RIMS4: variants seen among roughly 807,000 people sequenced by gnomAD.
RIMS4 encodes the protein regulating synaptic membrane exocytosis 4, also known as regulating synaptic membrane exocytosis protein 4.
In RIMS4, 9 loss-of-function variants were observed where a neutral mutation model predicts 29.0. That is an observed-to-expected ratio of 0.31 (90% CI 0.19 to 0.54). The LOEUF is 0.54. Among genes scored for constraint, RIMS4 ranks in the 20% least tolerant of loss-of-function variants. The probability of loss-of-function intolerance (pLI) is 0.94; values close to 1 mark genes in which losing one functional copy is unlikely to be tolerated. For missense variants in RIMS4, 193 were observed against 365.7 expected (o/e 0.53, Z 3.85); for synonymous variants, 130 against 152.9 (o/e 0.85, Z 1.10).
rs2066041099 is a variant in RIMS4 at position 44,752,978 on chromosome 20, G to GGTGGAGCCCAGTAGGGCT, written c.*3138_*3155dup. The GGTGGAGCCCAGTAGGGCT allele has an allele frequency of 6.5e-6, 1 of 152,756 alleles. No individual in the cohort carries two copies. The highest frequency in any genetic ancestry group is 1.5e-5 in the Non-Finnish European group (1 of 68,180). The allele number at this position is 152,756 out of a possible 1,614,324, so 9.5% of individuals were successfully genotyped here. On this transcript the variant is annotated 3_prime_UTR_variant, in exon 6 of 6. Coordinates refer to ENST00000372851, the MANE Select transcript of RIMS4 (RefSeq NM_182970.4). The stretch of plus-strand genomic sequence containing the variant: ...CCCAGAGAAGTCACTGGTTTATAGA[G>GGTGGAGCCCAGTAGGGCT]GTGGAGCCCAGTAGGGCTGTGCAGC...
chr20:44,756,066 G>T lies in RIMS4; in HGVS notation c.*68C>A. On this transcript the variant is annotated 3_prime_UTR_variant, in exon 6 of 6. Coordinates refer to ENST00000372851, the MANE Select transcript of RIMS4 (RefSeq NM_182970.4). This position sits in a 1 kb window ranked among gnomAD's most constrained non-coding sequence, Gnocchi z 5.9. ...GTCCTCCTGTTCAATGTGCCCCTGGGCCTGGGGTCCCAGGTCAGGGCTGGG... is the reference window on the plus strand; with the variant it reads ...GTCCTCCTGTTCAATGTGCCCCTGGTCCTGGGGTCCCAGGTCAGGGCTGGG... 1 of 1,258,624 alleles carries T rather than the reference G, an allele frequency of 7.9e-7. No individual in the cohort carries two copies. Among genetic ancestry groups the T allele is most frequent in the South Asian group, 1.4e-5 (1 of 73,088 alleles). 78.0% of individuals were successfully genotyped at this position (1,258,624 alleles called of 1,614,324 possible). A position where few individuals can be genotyped will look rare whatever the true frequency, so the allele number is the denominator to read the frequency against.
intron 1 of RIMS4, among the ~76,000 whole-genome samples, chr20:44,798,374 A>G (rs1476024506): frequency 6.6e-6 from 1 of 152,230 alleles, no homozygotes; most frequent in Non-Finnish European, 1.5e-5. Context: ...TCAGAAGTCC[A>G]TCCAGATGCT....
chr20:44,793,838 G>A (rs1211193704), intron 1 of RIMS4, among the ~76,000 whole-genome samples: 1 of 152,192 alleles, frequency 6.6e-6, no homozygotes, highest in African/African-American at 2.4e-5. Flanking sequence ...GGGAGACCAA[G>A]GTGAGAGGAT....
At chr20:44,764,255 C>CATCCATCCATCCATCCATTTA (rs1325046131) in intron 2 of RIMS4, among the ~76,000 whole-genome samples, 199 of 144,256 alleles carry the variant, frequency 1.4e-3, no homozygotes, top group Non-Finnish European at 1.8e-3. Flanking sequence ...TCCATCCATC[C>CATCCATCCATCCATCCATTTA]TCCCACAAAC....
At chr20:44,777,827 G>A (rs4812863) in intron 1 of RIMS4, among the ~76,000 whole-genome samples, 39,567 of 152,104 alleles carry the variant, frequency 0.26, 5,794 homozygotes, top group East Asian at 0.45. Flanking sequence ...GTCAGTGTGA[G>A]TGTCCACTCC....
intron 1 of RIMS4, among the ~76,000 whole-genome samples, chr20:44,782,602 G>A (rs2066189300): frequency 6.6e-6 from 1 of 152,144 alleles, no homozygotes. Flanking sequence ...TTACGAGTTA[G>A]CTATGGTTCT....
chr20:44,805,623 T>TC (rs1001084114), intron 1 of RIMS4, among the ~76,000 whole-genome samples: 3 of 152,136 alleles, frequency 2.0e-5, no homozygotes, highest in African/African-American at 7.2e-5. Flanking sequence ...CCTGCCAGCC[T>TC]CCTTCTAGGG....
At chr20:44,757,495 T>C (rs993772758) in intron 4 of RIMS4, among the ~76,000 whole-genome samples, 175 bp downstream of exon 4, 1 of 152,028 alleles carries the variant, frequency 6.6e-6, no homozygotes, top group African/African-American at 2.4e-5. Flanking sequence ...CAACAGACAA[T>C]CTCAACTGGC....
intron 1 of RIMS4, among the ~76,000 whole-genome samples, chr20:44,794,621 C>T (rs539742641): frequency 5.3e-5 from 8 of 152,320 alleles, no homozygotes; most frequent in South Asian, 2.1e-4. Flanking sequence ...TAATGTAACA[C>T]GGCAGGAACT....
At chr20:44,759,230 GT>G (rs927983197) in intron 2 of RIMS4, among the ~76,000 whole-genome samples, 1 of 151,486 alleles carries the variant, frequency 6.6e-6, no homozygotes, top group Non-Finnish European at 1.5e-5. Context: ...ACCACAGGAG[GT>G]TTTTTTTGTT....
intron 1 of RIMS4, among the ~76,000 whole-genome samples, chr20:44,789,895 G>A (rs1020837429): frequency 6.6e-6 from 1 of 152,224 alleles, no homozygotes; most frequent in Admixed American, 6.5e-5. Flanking sequence ...CCAGGGAGAA[G>A]AAGGATTTTC....
chr20:44,759,930 T>C (rs1475902400), intron 2 of RIMS4, among the ~76,000 whole-genome samples: 1 of 152,250 alleles, frequency 6.6e-6, no homozygotes, highest in Non-Finnish European at 1.5e-5. Flanking sequence ...CCTGATTTCC[T>C]ACTACCCCTG....
At chr20:44,764,238 T>TTATCCATCCATCCATC (rs1555859465) in intron 2 of RIMS4, among the ~76,000 whole-genome samples, 3 of 127,544 alleles carry the variant, frequency 2.4e-5, no homozygotes, top group Non-Finnish European at 3.3e-5. Flanking sequence ...GTCCATCCAT[T>TTATCCATCCATCCATC]CATCCATCCA....
At chr20:44,769,707 C>A (rs1017111095) in intron 2 of RIMS4, among the ~76,000 whole-genome samples, 1 of 152,236 alleles carries the variant, frequency 6.6e-6, no homozygotes, top group Non-Finnish European at 1.5e-5. Flanking sequence ...GTGGGTGGAA[C>A]AGCAGCATCT....
intron 1 of RIMS4, among the ~76,000 whole-genome samples, chr20:44,778,379 T>C (rs1038343921): frequency 1.3e-5 from 2 of 152,184 alleles, no homozygotes; most frequent in Non-Finnish European, 1.5e-5. Flanking sequence ...AAGGCCATGT[T>C]GGTATTAGAA....
chr20:44,796,636 A>G, intron 1 of RIMS4, among the ~76,000 whole-genome samples: 1 of 152,144 alleles, frequency 6.6e-6, no homozygotes, highest in East Asian at 1.9e-4. Context: ...AGGAATGGTC[A>G]CCTCCACCCT....
chr20:44,810,037 G>GT, intron 1 of RIMS4, 138 bp downstream of exon 1: 1 of 396,208 alleles, frequency 2.5e-6, no homozygotes, highest in Non-Finnish European at 4.9e-6. Context: ...CTGGGGTCCC[G>GT]TGGGTGCGGA....
intron 1 of RIMS4, among the ~76,000 whole-genome samples, chr20:44,776,554 CT>C (rs937627854): frequency 9.9e-5 from 15 of 152,164 alleles, no homozygotes; most frequent in Admixed American, 5.9e-4. Context: ...TAAATAACAC[CT>C]ATAACTTATC....
chr20:44,795,176 A>G (rs2066249226), intron 1 of RIMS4, among the ~76,000 whole-genome samples: 1 of 152,234 alleles, frequency 6.6e-6, no homozygotes, highest in Non-Finnish European at 1.5e-5. Flanking sequence ...GCACTGTGCT[A>G]AGGGCTTCAC....
Sources: allele counts gnomAD v4.1 joint callset (sites outside exome capture counted in the v4.1 genomes callset), GRCh38; gene constraint gnomAD v4.1.1; non-coding constraint Gnocchi (gnomAD v3.1); transcripts MANE v1.5; gene names NCBI Gene and HGNC (gene_info 2026-07-23, HGNC 2026-07-21).